PIEZO2: variants seen among roughly 807,000 people sequenced by gnomAD.
PIEZO2 encodes the protein piezo-type mechanosensitive ion channel component 2.
In PIEZO2, 172 loss-of-function variants were observed where a neutral mutation model predicts 337.3. That is an observed-to-expected ratio of 0.51 (90% CI 0.45 to 0.58). PIEZO2 has a LOEUF of 0.58. Ranked by LOEUF, PIEZO2 falls within the 20% of genes least tolerant of loss-of-function variation. The pLI, the probability that PIEZO2 is intolerant of heterozygous loss-of-function variation, is 0.00. For synonymous variants in PIEZO2, 1,251 were observed against 1,228.5 expected (o/e 1.02, Z -0.38); for missense variants, 3,028 against 3,391.3 (o/e 0.89, Z 2.66).
chr18:10,898,439 G>T (rs1442228213), intron 4 of PIEZO2, among the ~76,000 whole-genome samples: 1 of 151,932 alleles, frequency 6.6e-6, no homozygotes, highest in Non-Finnish European at 1.5e-5. Flanking sequence ...AAAGGAAATA[G>T]GAGAAAGAAA....
rs2043088991 is a variant in PIEZO2 at position 10,903,074 on chromosome 18, T to C, written c.329+8112A>G. Among the ~76,000 whole-genome samples the C allele has an allele frequency of 6.6e-6, 1 of 152,114 alleles. No individual in the cohort carries two copies. Among genetic ancestry groups the C allele is most frequent in the South Asian group, 2.1e-4 (1 of 4,826 alleles). ...GCAGCTATGGGGAGGCACCAACCCA[T>C]GGGCTGTACTCATTCCAGAATCCTT... On this transcript the variant is annotated intron_variant, in intron 4 of 55. Transcript: ENST00000674853. This position sits in a 1 kb window ranked among gnomAD's most constrained non-coding sequence, Gnocchi z 4.1.
At chr18:10,893,173 T>C (rs2042803582) in intron 4 of PIEZO2, among the ~76,000 whole-genome samples, 1 of 152,246 alleles carries the variant, frequency 6.6e-6, no homozygotes, top group Non-Finnish European at 1.5e-5. Context: ...GAATTATGGC[T>C]AGGTTAATGA....
At chr18:11,043,718 C>T (rs1420051141) in intron 2 of PIEZO2, among the ~76,000 whole-genome samples, 3 of 151,638 alleles carry the variant, frequency 2.0e-5, no homozygotes, top group Non-Finnish European at 4.4e-5. Flanking sequence ...TTCTTGAGAC[C>T]GAGTCTTGCT....
chr18:10,961,071 C>T (rs1171471231), intron 3 of PIEZO2, among the ~76,000 whole-genome samples: 1 of 151,884 alleles, frequency 6.6e-6, no homozygotes, highest in Non-Finnish European at 1.5e-5. Flanking sequence ...GTCCCAGCTA[C>T]TCGGGAGGCT....
rs1399482828 is a variant in PIEZO2 at position 10,672,069 on chromosome 18, T to G, written c.8346-290A>C. Among the ~76,000 whole-genome samples, 1 of 152,234 alleles carries G rather than the reference T, an allele frequency of 6.6e-6. No individual in the cohort carries two copies. The highest frequency in any genetic ancestry group is 6.5e-5 in the Admixed American group (1 of 15,288). On this transcript the variant is annotated intron_variant, in intron 55 of 55. Coordinates refer to ENST00000674853, the MANE Select transcript of PIEZO2 (RefSeq NM_001378183.1). This position sits in a 1 kb window ranked among gnomAD's most constrained non-coding sequence, Gnocchi z 4.7. ...TGCTAACCGTTTCATGTATGAACTT[T>G]AGGTGGTTTTGTTGCATATATTAAA...
intron 27 of PIEZO2, among the ~76,000 whole-genome samples, chr18:10,756,486 C>A (rs1490597481): frequency 7.6e-6 from 1 of 130,754 alleles, no homozygotes; most frequent in Non-Finnish European, 1.6e-5. Flanking sequence ...AGGAGGGATG[C>A]AGGATGAGAA....
At chr18:10,717,564 G>A (rs905197120) in intron 37 of PIEZO2, among the ~76,000 whole-genome samples, 2 of 143,608 alleles carry the variant, frequency 1.4e-5, no homozygotes, top group Non-Finnish European at 2.9e-5. Context: ...AGAGCATCGA[G>A]TTCATTTCAT....
rs1055747868 is a variant in PIEZO2 at position 10,788,020 on chromosome 18, C to G, written c.2170-836G>C. 3.9e-5 allele frequency among the ~76,000 whole-genome samples: 6 copies of G among 152,250 alleles called. No individual in the cohort carries two copies. In the Middle Eastern group the frequency reaches 0.017, roughly 432 times the overall value. ...ATGCCACACATATATCTTTTTCTGA[C>G]CCTAAAGCCTGAAATGCAAAAGTAT... On this transcript the variant is annotated intron_variant, in intron 15 of 55. Coordinates refer to ENST00000674853, the MANE Select transcript of PIEZO2 (RefSeq NM_001378183.1).
chr18:11,018,135 TC>T (rs1001069210), intron 2 of PIEZO2, among the ~76,000 whole-genome samples: 2 of 151,700 alleles, frequency 1.3e-5, no homozygotes, highest in African/African-American at 4.8e-5. Context: ...TGGCCGGTCA[TC>T]CACAGTGGTC....
Position 11,105,769 on chromosome 18 carries a change from T to C in PIEZO2, c.65-39547A>G, listed in dbSNP as rs2039541376. Reference sequence around the variant, plus strand: ...TAAAGCTCCGTAACCATATAAAAGTTATATTATAAAAGATAAGCAAAATTA... The same window carrying C: ...TAAAGCTCCGTAACCATATAAAAGTCATATTATAAAAGATAAGCAAAATTA... On this transcript the variant is annotated intron_variant, in intron 1 of 55. Transcript: ENST00000674853. The surrounding 1 kb of genome is among the most constrained non-coding windows in gnomAD (Gnocchi z 4.3). Among the ~76,000 whole-genome samples the C allele has an allele frequency of 6.6e-6, 1 of 152,140 alleles. No homozygotes were observed. Among genetic ancestry groups the C allele is most frequent in the South Asian group, 2.1e-4 (1 of 4,818 alleles).
In PIEZO2 at chr18:10,973,245, G is replaced by A. The variant is rs373622475; in HGVS notation, c.286+6290C>T. On this transcript the variant is annotated intron_variant, in intron 3 of 55. Transcript: ENST00000674853. This position sits in a 1 kb window ranked among gnomAD's most constrained non-coding sequence, Gnocchi z 4.9. ...CAGTGCTACCACTCAGCTCGCCTTC[G>A]TGCCTGTGTCTAGCTTTTGGCAGTA... Among the ~76,000 whole-genome samples the A allele has an allele frequency of 1.3e-5, 2 of 152,196 alleles. No individual in the cohort carries two copies. The highest frequency in any genetic ancestry group is 2.4e-5 in the African/African-American group (1 of 41,460).
intron 38 of PIEZO2, 144 bp from the exon 39 acceptor site, chr18:10,715,074 T>A: frequency 2.6e-6 from 2 of 755,336 alleles, no homozygotes; most frequent in Non-Finnish European, 4.1e-6. Context: ...GGGATTGATG[T>A]CGACTCATTT....
intron 3 of PIEZO2, among the ~76,000 whole-genome samples, chr18:10,967,545 G>T (rs549239254): frequency 1.3e-5 from 2 of 152,256 alleles, no homozygotes; most frequent in South Asian, 4.2e-4. Context: ...CACAGTGGTT[G>T]TACTAGTCTA....
chr18:10,857,338 A>G (rs2041734448), intron 5 of PIEZO2, 127 bp from the exon 6 acceptor site: 3 of 770,758 alleles, frequency 3.9e-6, no homozygotes, highest in South Asian at 3.6e-5. Context: ...AAAAGGGAAG[A>G]CAACCAGTTC....
At chr18:10,987,715 C>T (rs2034933754) in intron 2 of PIEZO2, among the ~76,000 whole-genome samples, 1 of 151,984 alleles carries the variant, frequency 6.6e-6, no homozygotes, top group Non-Finnish European at 1.5e-5. Flanking sequence ...AATTTAACGA[C>T]TTCTGCACAG....
intron 1 of PIEZO2, among the ~76,000 whole-genome samples, chr18:11,140,041 C>T (rs2040597811): frequency 6.6e-6 from 1 of 152,168 alleles, no homozygotes; most frequent in Admixed American, 6.5e-5. Flanking sequence ...TGGCCCCTGC[C>T]ACCTGGGATC....
At chr18:10,736,834 G>T in intron 33 of PIEZO2, 124 bp from the exon 34 acceptor site, 2 of 1,106,604 alleles carry the variant, frequency 1.8e-6, no homozygotes, top group Non-Finnish European at 2.5e-6. Flanking sequence ...AAAGATGTTG[G>T]CAGAGAGGAA....
At chr18:11,079,564 A>C (rs929733958) in intron 1 of PIEZO2, among the ~76,000 whole-genome samples, 2 of 152,308 alleles carry the variant, frequency 1.3e-5, no homozygotes, top group East Asian at 1.9e-4. Flanking sequence ...TTGGAACAGG[A>C]GCTGTTTCCT....
chr18:10,717,630 A>G (rs948213005), intron 37 of PIEZO2, among the ~76,000 whole-genome samples: 1 of 152,184 alleles, frequency 6.6e-6, no homozygotes, highest in Non-Finnish European at 1.5e-5. Context: ...TCCAAATCAC[A>G]TACTATGAGG....
Sources: allele counts gnomAD v4.1 joint callset (sites outside exome capture counted in the v4.1 genomes callset), GRCh38; gene constraint gnomAD v4.1.1; non-coding constraint Gnocchi (gnomAD v3.1); transcripts MANE v1.5; gene names NCBI Gene and HGNC (gene_info 2026-07-23, HGNC 2026-07-21).